XYLT1: variants seen among roughly 807,000 people sequenced by gnomAD.
XYLT1 encodes the protein xylosyltransferase 1.
A neutral mutation model predicts 91.3 loss-of-function variants in XYLT1; 36 were observed. The observed-to-expected ratio is 0.39, with a 90% CI of 0.30 to 0.52. The LOEUF is 0.52. Among genes scored for constraint, XYLT1 ranks in the 20% least tolerant of loss-of-function variants. The pLI, the probability that XYLT1 is intolerant of heterozygous loss-of-function variation, is 0.68. For missense variants in XYLT1, 1,242 were observed against 1,284.5 expected (o/e 0.97, Z 0.51); for synonymous variants, 588 against 532.0 (o/e 1.11, Z -1.45).
chr16:17,344,765 A>G (rs1011503903), intron 2 of XYLT1, among the ~76,000 whole-genome samples: 7 of 150,750 alleles, frequency 4.6e-5, no homozygotes, highest in African/African-American at 1.7e-4. Context: ...CAGTGTGGTG[A>G]TCTTGGCTCA....
At chr16:17,155,838 C>T (rs7186292) in intron 6 of XYLT1, among the ~76,000 whole-genome samples, 13,640 of 152,010 alleles carry the variant, frequency 0.09, 1,299 homozygotes, top group African/African-American at 0.24. Flanking sequence ...TTATGTTGTC[C>T]CAAGACATCT....
At chr16:17,242,746 G>A (rs930001123) in intron 3 of XYLT1, among the ~76,000 whole-genome samples, 4 of 151,976 alleles carry the variant, frequency 2.6e-5, no homozygotes, top group African/African-American at 7.3e-5. Context: ...GAAATTCTAC[G>A]GCCATTAAAA....
chr16:17,408,581 T>C (rs1596530372), intron 1 of XYLT1, among the ~76,000 whole-genome samples: 1 of 152,194 alleles, frequency 6.6e-6, no homozygotes, highest in Non-Finnish European at 1.5e-5. Flanking sequence ...GATGGTGGCT[T>C]AGGCCGATAA....
intron 1 of XYLT1, among the ~76,000 whole-genome samples, chr16:17,377,189 A>ACACACACACACCCACACACACACAC: frequency 6.6e-6 from 1 of 152,102 alleles, no homozygotes; most frequent in African/African-American, 2.4e-5. Flanking sequence ...ACACACACAC[A>ACACACACACACCCACACACACACAC]AAATTAGGTA....
At chr16:17,124,999 A>G (rs1017994561) in intron 10 of XYLT1, among the ~76,000 whole-genome samples, 1 of 151,982 alleles carries the variant, frequency 6.6e-6, no homozygotes, top group East Asian at 1.9e-4. Flanking sequence ...TTCGTATCCT[A>G]TATCTTTTTT....
intron 1 of XYLT1, among the ~76,000 whole-genome samples, chr16:17,381,770 A>C (rs1259818118): frequency 2.0e-5 from 3 of 152,160 alleles, no homozygotes; most frequent in Non-Finnish European, 2.9e-5. Flanking sequence ...TATTAATAGA[A>C]AATGTCTAAC....
At chr16:17,400,607 G>T (rs2035951335) in intron 1 of XYLT1, among the ~76,000 whole-genome samples, 2 of 129,214 alleles carry the variant, frequency 1.5e-5, no homozygotes, top group South Asian at 2.7e-4. Flanking sequence ...AAGAAAGAGA[G>T]GGAGGGAGGG....
chr16:17,458,007 A>G (rs1204798288), intron 1 of XYLT1, among the ~76,000 whole-genome samples: 2 of 152,234 alleles, frequency 1.3e-5, no homozygotes, highest in African/African-American at 4.8e-5. Context: ...TACTTGATCC[A>G]TCTAGTCTGG....
chr16:17,333,809 A>T (rs951762717), intron 2 of XYLT1, among the ~76,000 whole-genome samples: 3 of 151,848 alleles, frequency 2.0e-5, no homozygotes, highest in African/African-American at 7.3e-5. Context: ...ACTGGTCTCG[A>T]ACTCCTGACT....
intron 1 of XYLT1, among the ~76,000 whole-genome samples, chr16:17,459,911 C>T (rs1022575739): frequency 3.9e-5 from 6 of 152,178 alleles, no homozygotes; most frequent in South Asian, 2.1e-4. Context: ...GGTTACAAGA[C>T]GCTGTGAGGA....
chr16:17,115,630 C>A (rs1330953095), intron 11 of XYLT1, among the ~76,000 whole-genome samples: 1 of 151,480 alleles, frequency 6.6e-6, no homozygotes. Context: ...AGACGCCGGC[C>A]ACCACACTCG....
At chr16:17,223,121 T>C (rs2033001710) in intron 3 of XYLT1, among the ~76,000 whole-genome samples, 1 of 152,022 alleles carries the variant, frequency 6.6e-6, no homozygotes, top group Non-Finnish European at 1.5e-5. Context: ...AGGGAACATA[T>C]TCTAAGACTA....
At chr16:17,398,947 T>C (rs1235588996) in intron 1 of XYLT1, among the ~76,000 whole-genome samples, 1 of 151,464 alleles carries the variant, frequency 6.6e-6, no homozygotes, top group African/African-American at 2.4e-5. Flanking sequence ...CAGGTTCAGG[T>C]GATTCTCCTG....
chr16:17,397,848 T>G (rs1005809790), intron 1 of XYLT1, among the ~76,000 whole-genome samples: 1 of 121,704 alleles, frequency 8.2e-6, no homozygotes, highest in Non-Finnish European at 1.7e-5. Context: ...TTTTTTTTTT[T>G]GAGACAGTGT....
chr16:17,445,661 C>T (rs923127262), intron 1 of XYLT1, among the ~76,000 whole-genome samples: 5 of 152,184 alleles, frequency 3.3e-5, no homozygotes, highest in African/African-American at 9.7e-5. Flanking sequence ...AATGCAAACT[C>T]GCCTCAGAAA....
intron 5 of XYLT1, among the ~76,000 whole-genome samples, chr16:17,191,042 G>GT (rs1456828326): frequency 2.6e-5 from 4 of 152,010 alleles, no homozygotes; most frequent in South Asian, 2.1e-4. Context: ...GTTCTGTTTT[G>GT]TTTTTTTGTT....
At chr16:17,372,523 A>G (rs1208436842) in intron 1 of XYLT1, among the ~76,000 whole-genome samples, 1 of 152,238 alleles carries the variant, frequency 6.6e-6, no homozygotes, top group African/African-American at 2.4e-5. Flanking sequence ...AACTCTCCCA[A>G]TGCTAATGTT....
chr16:17,263,269 C>T (rs1295444076), intron 2 of XYLT1, among the ~76,000 whole-genome samples: 2 of 152,088 alleles, frequency 1.3e-5, no homozygotes, highest in African/African-American at 2.4e-5. Flanking sequence ...ACACTGCGAT[C>T]ATCTCCCTCC....
At chr16:17,396,434 ACT>A (rs977943270) in intron 1 of XYLT1, among the ~76,000 whole-genome samples, 2 of 152,162 alleles carry the variant, frequency 1.3e-5, no homozygotes, top group Non-Finnish European at 2.9e-5. Context: ...ACACAAACTC[ACT>A]GTGAGAAATG....
Sources: gnomAD v4.1 joint callset for allele counts (sites outside exome capture counted in the v4.1 genomes callset) on GRCh38, gnomAD v4.1.1 for gene constraint, MANE v1.5 for transcripts, NCBI Gene and HGNC (gene_info 2026-07-23, HGNC 2026-07-21) for gene names.